KIFAP3: variants seen among roughly 807,000 people sequenced by gnomAD.
KIFAP3 encodes the protein kinesin associated protein 3, also known as kinesin-associated protein 3.
Under a neutral mutation model 106.5 loss-of-function variants are expected in KIFAP3, and 68 were observed. The ratio of observed to expected loss-of-function variants is 0.64; its 90% confidence interval spans 0.53 to 0.78. KIFAP3 has a LOEUF of 0.78. KIFAP3 is among the 30% of genes least tolerant of loss of function. KIFAP3 has a pLI of 0.00. For synonymous variants in KIFAP3, 320 were observed against 311.5 expected (o/e 1.03, Z -0.29); for missense variants, 780 against 941.8 (o/e 0.83, Z 2.25).
intron 1 of KIFAP3, among the ~76,000 whole-genome samples, chr1:170,070,144 G>A (rs1571771558): frequency 6.6e-6 from 1 of 152,066 alleles, no homozygotes; most frequent in Non-Finnish European, 1.5e-5. Flanking sequence ...AAAAGTTGCT[G>A]AAAGAAATTA....
intron 6 of KIFAP3, among the ~76,000 whole-genome samples, chr1:170,035,010 CATA>C (rs1669609974): frequency 6.6e-6 from 1 of 151,882 alleles, no homozygotes; most frequent in Non-Finnish European, 1.5e-5. Context: ...AGAAACTTTT[CATA>C]ATGTCTTAAT....
chr1:170,072,810 C>A (rs553276690), intron 1 of KIFAP3, among the ~76,000 whole-genome samples: 9 of 152,196 alleles, frequency 5.9e-5, no homozygotes, highest in Admixed American at 2.0e-4. Context: ...CTCCTGTATG[C>A]TTCTAGTCTG....
rs180870798 is a variant in KIFAP3 at position 170,070,662 on chromosome 1, C to T, written c.32+3774G>A. On this transcript the variant is annotated intron_variant, in intron 1 of 19. Transcript: ENST00000361580. ...CCTTGCCATATACCATAGACAATAA[C>T]TAACTCGAGATGGATCAAGGATATT... Among the ~76,000 whole-genome samples, 180 of 152,064 alleles carry T rather than the reference C, an allele frequency of 1.2e-3. 1 individual carries two copies. The highest frequency in any genetic ancestry group is 3.9e-3 in the African/African-American group (160 of 41,500).
At chr1:169,982,461 A>G (rs1414925150) in intron 14 of KIFAP3, among the ~76,000 whole-genome samples, 2 of 152,156 alleles carry the variant, frequency 1.3e-5, no homozygotes, top group African/African-American at 2.4e-5. Flanking sequence ...AAAAATACCA[A>G]AAGACCACAA....
At chr1:169,952,074 G>A (rs1181657277) in intron 19 of KIFAP3, among the ~76,000 whole-genome samples, 3 of 151,938 alleles carry the variant, frequency 2.0e-5, no homozygotes. Flanking sequence ...AGCATCAGAA[G>A]TAATCAAAAG....
intron 17 of KIFAP3, among the ~76,000 whole-genome samples, chr1:169,969,557 TA>T (rs1229485942): frequency 6.6e-6 from 1 of 152,000 alleles, no homozygotes; most frequent in Admixed American, 6.6e-5. Context: ...ATTATTAAAA[TA>T]AAAACAATCT....
At chr1:170,028,082 T>C (rs1279091290) in intron 8 of KIFAP3, among the ~76,000 whole-genome samples, 1 of 152,048 alleles carries the variant, frequency 6.6e-6, no homozygotes, top group Non-Finnish European at 1.5e-5. Context: ...AAAATATTTT[T>C]AAAATGAGAC....
intron 19 of KIFAP3, among the ~76,000 whole-genome samples, chr1:169,949,767 C>G (rs1341967870): frequency 2.0e-5 from 3 of 152,052 alleles, no homozygotes; most frequent in Non-Finnish European, 4.4e-5. Context: ...TTGGCAACTC[C>G]ATAGCTATTG....
chr1:170,032,377 G>A (rs1273164624), intron 7 of KIFAP3, among the ~76,000 whole-genome samples: 1 of 151,736 alleles, frequency 6.6e-6, no homozygotes, highest in Non-Finnish European at 1.5e-5. Context: ...AAGTGATTTA[G>A]TTACTAAGAA....
chr1:169,951,855 A>G (rs1054845821), intron 19 of KIFAP3, among the ~76,000 whole-genome samples: 3 of 151,532 alleles, frequency 2.0e-5, no homozygotes, highest in African/African-American at 7.3e-5. Flanking sequence ...GCTAAAAGTA[A>G]AACATAAATG....
At chr1:170,046,403 C>T (rs1670259077) in intron 3 of KIFAP3, among the ~76,000 whole-genome samples, 1 of 152,044 alleles carries the variant, frequency 6.6e-6, no homozygotes, top group African/African-American at 2.4e-5. Context: ...GCCCCAAAGT[C>T]TCTCCTTTGA....
intron 1 of KIFAP3, among the ~76,000 whole-genome samples, chr1:170,059,436 C>T (rs61825356): frequency 0.1 from 15,935 of 152,118 alleles, 992 homozygotes; most frequent in Admixed American, 0.18. Context: ...CCTGGACACA[C>T]ATACACCCTC....
chr1:170,010,902 G>A (rs1264612593), intron 10 of KIFAP3, among the ~76,000 whole-genome samples: 2 of 151,890 alleles, frequency 1.3e-5, no homozygotes, highest in Non-Finnish European at 1.5e-5. Flanking sequence ...TAGCTCCACA[G>A]AGAGGCTTCT....
chr1:170,070,552 C>T (rs1211261439), intron 1 of KIFAP3, among the ~76,000 whole-genome samples: 3 of 152,026 alleles, frequency 2.0e-5, no homozygotes, highest in Non-Finnish European at 2.9e-5. Flanking sequence ...AGGAAAAGAA[C>T]AGTCAATTGT....
intron 10 of KIFAP3, among the ~76,000 whole-genome samples, chr1:169,993,337 C>G (rs1243920546): frequency 6.6e-6 from 1 of 151,268 alleles, no homozygotes; most frequent in Non-Finnish European, 1.5e-5. Flanking sequence ...GTCTCGAACT[C>G]TTGACCTCAT....
chr1:169,923,126 C>T, intron 19 of KIFAP3: 1 of 983,978 alleles, frequency 1.0e-6, no homozygotes, highest in Non-Finnish European at 1.2e-6. Flanking sequence ...TTCAGGTTAG[C>T]ATTTGTACTG....
intron 17 of KIFAP3, among the ~76,000 whole-genome samples, chr1:169,963,018 T>C (rs1199021757): frequency 6.6e-6 from 1 of 152,162 alleles, no homozygotes; most frequent in Non-Finnish European, 1.5e-5. Context: ...GTAAACTGTG[T>C]GTCATGGGGG....
In KIFAP3 at chr1:169,968,067, G is replaced by A. The variant is rs1665721056; in HGVS notation, c.1983+4446C>T. Among the ~76,000 whole-genome samples the A allele has an allele frequency of 2.6e-5, 4 of 151,940 alleles. No homozygotes were observed. In the South Asian group the frequency reaches 8.3e-4, roughly 32 times the overall value. ...CTTTTCACAAGGAGTACACCCTGGT[G>A]TCTTGGCTTTGAGACTTGAGTCTAT... is the stretch of plus-strand genomic sequence containing the variant. On this transcript the variant is annotated intron_variant, in intron 17 of 19. Coordinates refer to ENST00000361580, the MANE Select transcript of KIFAP3 (RefSeq NM_014970.4).
chr1:170,072,344 A>C (rs374142978), intron 1 of KIFAP3, among the ~76,000 whole-genome samples: 1 of 152,350 alleles, frequency 6.6e-6, no homozygotes, highest in Admixed American at 6.5e-5. Context: ...AACTTTATAA[A>C]CCAGAAGGAA....
Sources: allele counts gnomAD v4.1 joint callset (sites outside exome capture counted in the v4.1 genomes callset), GRCh38; gene constraint gnomAD v4.1.1; transcripts MANE v1.5; gene names NCBI Gene and HGNC (gene_info 2026-07-23, HGNC 2026-07-21).